PLSCR2: variants seen among roughly 807,000 people sequenced by gnomAD.
PLSCR2 encodes the protein PL scramblase 2.
A neutral mutation model predicts 25.3 loss-of-function variants in PLSCR2; 18 were observed. The ratio of observed to expected loss-of-function variants is 0.71; its 90% CI spans 0.49 to 1.06. The LOEUF (loss-of-function observed/expected upper bound fraction) is 1.06, where lower values mean the gene tolerates loss of function less well. PLSCR2 is among the 50% of genes least tolerant of loss of function. PLSCR2 has a pLI of 0.00. For synonymous variants in PLSCR2, 88 were observed against 87.3 expected (o/e 1.01, Z -0.04); for missense variants, 243 against 269.5 (o/e 0.90, Z 0.69).
At chr3:146,458,978 G>T (rs1182110559) in intron 2 of PLSCR2, among the ~76,000 whole-genome samples, 1 of 152,062 alleles carries the variant, frequency 6.6e-6, no homozygotes, top group Non-Finnish European at 1.5e-5. Flanking sequence ...TTATTATAAA[G>T]AGTACAAGAG....
At chr3:146,444,873 A>T (rs929371942) in intron 6 of PLSCR2, among the ~76,000 whole-genome samples, 2 of 150,518 alleles carry the variant, frequency 1.3e-5, no homozygotes, top group African/African-American at 4.9e-5. Context: ...AGAGAAAGGG[A>T]TTTTCTCTGG....
At chr3:146,449,534 T>C (rs550657288) in intron 5 of PLSCR2, among the ~76,000 whole-genome samples, 167 bp from the exon 6 acceptor site, 4 of 152,262 alleles carry the variant, frequency 2.6e-5, no homozygotes, top group African/African-American at 9.6e-5. Flanking sequence ...TGTATATTTA[T>C]AGATACATAA....
downstream of PLSCR2, among the ~76,000 whole-genome samples, chr3:146,436,833 G>A (rs2039893189): frequency 6.6e-6 from 1 of 152,154 alleles, no homozygotes; most frequent in Admixed American, 6.6e-5. Context: ...TGGTGAGAGA[G>A]GGCATCCTTG....
intron 1 of PLSCR2, among the ~76,000 whole-genome samples, chr3:146,475,994 C>G (rs1425316437): frequency 6.6e-6 from 1 of 152,132 alleles, no homozygotes; most frequent in Non-Finnish European, 1.5e-5. Context: ...TGGTCAGCTT[C>G]TTCTATGCCC....
chr3:146,464,881 T>A (rs2041792264), upstream of PLSCR2, among the ~76,000 whole-genome samples: 1 of 152,212 alleles, frequency 6.6e-6, no homozygotes, highest in South Asian at 2.1e-4. Context: ...TCTGACTTCA[T>A]AATTTATATT....
At chr3:146,466,236 G>A (rs1045326934) in intron 1 of PLSCR2, among the ~76,000 whole-genome samples, 1 of 104,766 alleles carries the variant, frequency 9.5e-6, no homozygotes, top group Non-Finnish European at 2.1e-5. Flanking sequence ...CCAGTGGCAC[G>A]ATCTCAGCTC....
intron 6 of PLSCR2, among the ~76,000 whole-genome samples, chr3:146,447,667 T>C (rs1311890876): frequency 2.6e-5 from 4 of 152,124 alleles, no homozygotes; most frequent in African/African-American, 7.2e-5. Context: ...GAAGGGGTGA[T>C]GCAAGCACTC....
At chr3:146,438,304 G>A (rs2040013104), downstream of PLSCR2, among the ~76,000 whole-genome samples, 2 of 152,284 alleles carry the variant, frequency 1.3e-5, no homozygotes, top group South Asian at 4.1e-4. Context: ...TTGGTGCAGA[G>A]CTGAGTTCAA....
chr3:146,442,280 T>C (rs2040290114), intron 6 of PLSCR2, among the ~76,000 whole-genome samples: 2 of 152,010 alleles, frequency 1.3e-5, no homozygotes, highest in Admixed American at 1.3e-4. Flanking sequence ...GCAAACATTC[T>C]GTATACTGAA....
At chr3:146,423,457 CTG>C (rs1412956747) in intron 2 of PLSCR2, among the ~76,000 whole-genome samples, 1 of 151,890 alleles carries the variant, frequency 6.6e-6, no homozygotes, top group Non-Finnish European at 1.5e-5. Flanking sequence ...TTAGGTATAA[CTG>C]TAAAATAAAG....
intron 1 of PLSCR2, among the ~76,000 whole-genome samples, chr3:146,472,361 C>A (rs184031028): frequency 6.9e-6 from 1 of 144,672 alleles, no homozygotes; most frequent in African/African-American, 2.4e-5. Context: ...GAGAAAGTAT[C>A]TATTTACATT....
At chr3:146,495,668 C>T (rs745785779) in intron 1 of PLSCR2, among the ~76,000 whole-genome samples, 5 of 152,188 alleles carry the variant, frequency 3.3e-5, no homozygotes, top group Non-Finnish European at 7.3e-5. Flanking sequence ...TTCTGGGCTT[C>T]CCAGCCTCTG....
intron 1 of PLSCR2, among the ~76,000 whole-genome samples, chr3:146,493,559 A>G (rs2043629293): frequency 6.6e-6 from 1 of 152,196 alleles, no homozygotes; most frequent in Non-Finnish European, 1.5e-5. Flanking sequence ...GACATAAAAA[A>G]GGCTTTTGAT....
chr3:146,494,622 A>G (rs554740608), intron 1 of PLSCR2: 3 of 152,276 alleles, frequency 2.0e-5, no homozygotes, highest in East Asian at 3.9e-4. Context: ...TTAATTTGAT[A>G]AAGTAATATA....
intron 1 of PLSCR2, among the ~76,000 whole-genome samples, chr3:146,475,184 G>A (rs900482379): frequency 2.0e-4 from 31 of 152,066 alleles, no homozygotes; most frequent in African/African-American, 5.3e-4. Context: ...TGCCCTTGAC[G>A]GAGAGATGTT....
chr3:146,427,998 G>A (rs2039414696), intron 2 of PLSCR2, among the ~76,000 whole-genome samples: 1 of 152,068 alleles, frequency 6.6e-6, no homozygotes, highest in Admixed American at 6.6e-5. Context: ...GCATTTATAT[G>A]AGTGACTATC....
At chr3:146,478,271 T>A (rs2042994857) in intron 1 of PLSCR2, among the ~76,000 whole-genome samples, 1 of 152,130 alleles carries the variant, frequency 6.6e-6, no homozygotes, top group African/African-American at 2.4e-5. Flanking sequence ...CTTCAGAAGG[T>A]CAGTAATAAC....
chr3:146,456,432 A>G (rs2041223491), intron 3 of PLSCR2, among the ~76,000 whole-genome samples: 1 of 152,082 alleles, frequency 6.6e-6, no homozygotes, highest in Non-Finnish European at 1.5e-5. Context: ...CTTGACCTCA[A>G]CATCTGCTGT....
chr3:146,394,591 CT>C (rs1559965121), intron 3 of PLSCR2, among the ~76,000 whole-genome samples: 1 of 152,100 alleles, frequency 6.6e-6, no homozygotes, highest in Non-Finnish European at 1.5e-5. Context: ...TATCTATCAA[CT>C]GGTAATTACA....
Sources: gnomAD v4.1 joint callset for allele counts (sites outside exome capture counted in the v4.1 genomes callset) on GRCh38, gnomAD v4.1.1 for gene constraint, MANE v1.5 for transcripts, NCBI Gene and HGNC (gene_info 2026-07-23, HGNC 2026-07-21) for gene names.